Variants in TCF7L1 observed in about 807,000 individuals in gnomAD.
TCF7L1 encodes transcription factor 7-like 1.
In TCF7L1, 18 loss-of-function variants were observed where a neutral mutation model predicts 63.7. The ratio of observed to expected loss-of-function variants is 0.28; its 90% CI spans 0.20 to 0.42. The LOEUF (loss-of-function observed/expected upper bound fraction) is 0.42, where lower values mean the gene tolerates loss of function less well. Among genes scored for constraint, TCF7L1 ranks in the 10% least tolerant of loss-of-function variants. TCF7L1 has a pLI of 1.00. For synonymous variants in TCF7L1, 355 were observed against 340.9 expected (o/e 1.04, Z -0.46); for missense variants, 654 against 779.3 (o/e 0.84, Z 1.91).
chr2:85,239,004 T>C (rs1035565459), intron 3 of TCF7L1, among the ~76,000 whole-genome samples: 11 of 151,898 alleles, frequency 7.2e-5, no homozygotes, highest in African/African-American at 2.7e-4. Flanking sequence ...GTATTTTTAG[T>C]AGAGATGGAG....
At chr2:85,149,954 G>A (rs1166441613) in intron 3 of TCF7L1, among the ~76,000 whole-genome samples, 2 of 152,144 alleles carry the variant, frequency 1.3e-5, no homozygotes, top group African/African-American at 4.8e-5. Context: ...TAAGATGAAG[G>A]GACAAGATAC....
Position 85,162,332 on chromosome 2 carries a change from TA to T in TCF7L1, c.441+27883del, listed in dbSNP as rs141724145. 2.2e-3 allele frequency among the ~76,000 whole-genome samples: 333 copies of T among 152,278 alleles called. 1 individual carries two copies. The highest frequency in any genetic ancestry group is 7.6e-3 in the African/African-American group (315 of 41,560). Reference sequence around the variant, plus strand: ...GACATGGGGCCCTGGAACATACATTTATTCAAAGCTCACTTTTAAAAGTTGG... The same window carrying T: ...GACATGGGGCCCTGGAACATACATTTTTCAAAGCTCACTTTTAAAAGTTGG... On this transcript the variant is annotated intron_variant, in intron 3 of 11. Transcript: ENST00000282111.
chr2:85,152,200 G>C (rs1489917190), intron 3 of TCF7L1, among the ~76,000 whole-genome samples: 1 of 152,094 alleles, frequency 6.6e-6, no homozygotes, highest in Non-Finnish European at 1.5e-5. Context: ...CTTGTCCCAG[G>C]CCAGGAGCTG....
At chr2:85,165,403 C>T (rs1678394050) in intron 3 of TCF7L1, among the ~76,000 whole-genome samples, 1 of 152,196 alleles carries the variant, frequency 6.6e-6, no homozygotes, top group South Asian at 2.1e-4. Flanking sequence ...CCTGTTAGAT[C>T]CTTCTTGGGA....
At chr2:85,140,802 A>G (rs937802661) in intron 3 of TCF7L1, among the ~76,000 whole-genome samples, 6 of 152,160 alleles carry the variant, frequency 3.9e-5, no homozygotes, top group African/African-American at 1.4e-4. Flanking sequence ...CAGAGGTTGC[A>G]GTGAGCTGAG....
rs371414197 is a variant in TCF7L1 at position 85,176,045 on chromosome 2, TCTC to T, written c.441+41602_441+41604del. On this transcript the variant is annotated intron_variant, in intron 3 of 11. Coordinates refer to ENST00000282111, the MANE Select transcript of TCF7L1 (RefSeq NM_031283.3). ...ATTTACTAGCTTTTGTAGGAAGCCA[TCTC>T]CTCCTCTTTGCTGTGATAAGAGGTA... Among the ~76,000 whole-genome samples the T allele has an allele frequency of 1.2e-3, 177 of 152,342 alleles. 4 individuals are homozygous for T. In the South Asian group the frequency reaches 0.033, roughly 28 times the overall value.
intron 3 of TCF7L1, among the ~76,000 whole-genome samples, chr2:85,242,525 A>G (rs1284846616): frequency 2.0e-5 from 3 of 152,188 alleles, no homozygotes; most frequent in Non-Finnish European, 4.4e-5. Flanking sequence ...TAGACGCTGC[A>G]CCCGGCTGTG....
intron 4 of TCF7L1, among the ~76,000 whole-genome samples, chr2:85,295,122 G>A (rs1194781388): frequency 6.9e-6 from 1 of 144,020 alleles, no homozygotes; most frequent in Non-Finnish European, 1.5e-5. Context: ...AAAACCCATA[G>A]CATATCCTGT....
At chr2:85,207,881 G>A (rs193109569) in intron 3 of TCF7L1, among the ~76,000 whole-genome samples, 1 of 152,202 alleles carries the variant, frequency 6.6e-6, no homozygotes, top group Non-Finnish European at 1.5e-5. Flanking sequence ...AAGCATTGAT[G>A]TTCAGTAGAT....
At chr2:85,293,474 C>G (rs989508488) in intron 4 of TCF7L1, among the ~76,000 whole-genome samples, 1 of 152,306 alleles carries the variant, frequency 6.6e-6, no homozygotes, top group Non-Finnish European at 1.5e-5. Flanking sequence ...CCCCAGGAGC[C>G]GAGCAGGTGC....
intron 4 of TCF7L1, among the ~76,000 whole-genome samples, chr2:85,298,481 C>CA (rs775849544): frequency 0.035 from 2,453 of 70,844 alleles, 186 homozygotes; most frequent in African/African-American, 0.12. Context: ...GACTCTGTCT[C>CA]AAAAAAAAAA....
intron 3 of TCF7L1, chr2:85,233,108 T>C (rs1360960621): frequency 6.6e-6 from 1 of 151,674 alleles, no homozygotes; most frequent in Non-Finnish European, 1.5e-5. Flanking sequence ...ACTTTTTGGG[T>C]TGTTTTGTAG....
rs561937858 is a variant in TCF7L1, at chr2:85,174,485, G to T, written c.441+40035G>T. Among the ~76,000 whole-genome samples, 5 of 152,290 alleles carry T rather than the reference G, an allele frequency of 3.3e-5. No individual in the cohort carries two copies. In the South Asian group the frequency reaches 1.0e-3, roughly 32 times the overall value. On this transcript the variant is annotated intron_variant, in intron 3 of 11. Coordinates refer to ENST00000282111, the MANE Select transcript of TCF7L1 (RefSeq NM_031283.3). ...TCCTCGCTTCCAAAAAAGAGGTGAT[G>T]TTGCCCACCTGGCAGGTGGGTATGA...
At chr2:85,308,442 T>TTCCTTTCTCCCTCCCTCTCA (rs1558663496) in intron 11 of TCF7L1, among the ~76,000 whole-genome samples, 1 of 71,776 alleles carries the variant, frequency 1.4e-5, no homozygotes, top group Non-Finnish European at 2.5e-5. Flanking sequence ...TCTCCCTCCC[T>TTCCTTTCTCCCTCCCTCTCA]TTCTCTTTCC....
At chr2:85,229,198 T>C (rs11689554) in intron 3 of TCF7L1, among the ~76,000 whole-genome samples, 35,049 of 151,496 alleles carry the variant, frequency 0.23, 5,010 homozygotes, top group Non-Finnish European at 0.33. Context: ...TACAAAAAAT[T>C]AGCTGGGCGT....
At chr2:85,257,585 G>A (rs1680747422) in intron 3 of TCF7L1, among the ~76,000 whole-genome samples, 1 of 152,218 alleles carries the variant, frequency 6.6e-6, no homozygotes, top group African/African-American at 2.4e-5. Context: ...CTTGGAGTGA[G>A]GTCACCTTCT....
intron 3 of TCF7L1, among the ~76,000 whole-genome samples, chr2:85,153,195 A>G (rs1407792309): frequency 6.6e-6 from 1 of 152,208 alleles, no homozygotes; most frequent in Non-Finnish European, 1.5e-5. Context: ...TATTCCCAGG[A>G]TCTACCTCAT....
intron 3 of TCF7L1, among the ~76,000 whole-genome samples, chr2:85,185,686 C>G (rs1237578942): frequency 6.6e-6 from 1 of 152,098 alleles, no homozygotes; most frequent in Non-Finnish European, 1.5e-5. Context: ...GCCTGACACA[C>G]CACACTCTGC....
At chr2:85,300,218 T>C (rs1011008977) in intron 4 of TCF7L1, among the ~76,000 whole-genome samples, 4 of 152,170 alleles carry the variant, frequency 2.6e-5, no homozygotes, top group Non-Finnish European at 5.9e-5. Context: ...GTTTATGTAT[T>C]TTTTAATTGT....
Sources: gnomAD v4.1 joint callset for allele counts (sites outside exome capture counted in the v4.1 genomes callset) on GRCh38, gnomAD v4.1.1 for gene constraint, MANE v1.5 for transcripts, NCBI Gene and HGNC (gene_info 2026-07-23, HGNC 2026-07-21) for gene names.